HS6ST3: variants seen among roughly 807,000 people sequenced by gnomAD.
HS6ST3 encodes the protein heparan-sulfate 6-O-sulfotransferase 3.
HS6ST3 carries 12 observed loss-of-function variants against 36.7 expected under a neutral mutation model. That is an observed-to-expected ratio of 0.33 (90% CI 0.21 to 0.53). The LOEUF (loss-of-function observed/expected upper bound fraction) is 0.53, where lower values mean the gene tolerates loss of function less well. Among genes scored for constraint, HS6ST3 ranks in the 20% least tolerant of loss-of-function variants. HS6ST3 has a pLI of 0.95. For synonymous variants in HS6ST3, 240 were observed against 257.5 expected (o/e 0.93, Z 0.65); for missense variants, 584 against 640.9 (o/e 0.91, Z 0.96).
intron 1 of HS6ST3, among the ~76,000 whole-genome samples, chr13:96,780,307 G>A (rs933602743): frequency 3.3e-5 from 5 of 152,148 alleles, no homozygotes; most frequent in Admixed American, 1.3e-4. Flanking sequence ...CGTAGTTTTC[G>A]TGTATTAATA....
intron 1 of HS6ST3, among the ~76,000 whole-genome samples, chr13:96,797,112 T>C (rs1485435099): frequency 6.6e-6 from 1 of 152,108 alleles, no homozygotes; most frequent in African/African-American, 2.4e-5. Context: ...AGTTGGATGA[T>C]CCTTTTAATT....
intron 1 of HS6ST3, among the ~76,000 whole-genome samples, chr13:96,385,363 G>A (rs995534595): frequency 3.3e-5 from 5 of 152,044 alleles, no homozygotes; most frequent in East Asian, 1.9e-4. Context: ...ACATTCCTGT[G>A]TGCTAACTCA....
At position 96,833,140 on chromosome 13, in the gene HS6ST3, A is replaced by C; in HGVS notation, c.1358A>C (p.Asp453Ala). 6.3e-7 allele frequency: 1 copy of C among 1,599,208 alleles called. No individual in the cohort carries two copies. The highest frequency in any genetic ancestry group is 2.2e-5 in the East Asian group (1 of 44,836). Residue 453 changes from aspartate (D) to alanine (A), a missense_variant, in exon 2 of 2, where the codon GAT becomes GCT. Around this residue, in one of 3 missense-constraint regions of HS6ST3, gnomAD observed 360 missense variants for 411.3 expected, o/e 0.88. Coordinates refer to ENST00000376705, the MANE Select transcript of HS6ST3 (RefSeq NM_153456.4). ...EHRDHQWPKE[D>A]GAAEGTVTED... ...AGGGACCACCAGTGGCCCAAAGAAG[A>C]TGGGGCTGCAGAAGGGACTGTCACC... is the stretch of plus-strand genomic sequence containing the variant.
intron 1 of HS6ST3, among the ~76,000 whole-genome samples, chr13:96,394,527 A>G (rs1379781968): frequency 1.3e-5 from 2 of 152,116 alleles, no homozygotes; most frequent in African/African-American, 2.4e-5. Context: ...GCTTGGTTTC[A>G]TTTTTTGTAA....
At chr13:96,744,983 C>T (rs998642611) in intron 1 of HS6ST3, among the ~76,000 whole-genome samples, 1 of 152,090 alleles carries the variant, frequency 6.6e-6, no homozygotes, top group Non-Finnish European at 1.5e-5. Context: ...TAGTTTCTTA[C>T]TGATCAAATA....
At chr13:96,802,498 C>T (rs777400499) in intron 1 of HS6ST3, among the ~76,000 whole-genome samples, 1 of 152,146 alleles carries the variant, frequency 6.6e-6, no homozygotes, top group Non-Finnish European at 1.5e-5. Flanking sequence ...TCATTAGCTA[C>T]TATGTTGGCA....
intron 1 of HS6ST3, among the ~76,000 whole-genome samples, chr13:96,273,174 A>G (rs1339803447): frequency 1.3e-5 from 2 of 151,950 alleles, no homozygotes; most frequent in South Asian, 4.1e-4. Context: ...CAAATAATGC[A>G]AGTTCTTGGC....
chr13:96,559,650 A>G (rs2056254653), intron 1 of HS6ST3, among the ~76,000 whole-genome samples: 1 of 152,152 alleles, frequency 6.6e-6, no homozygotes, highest in Non-Finnish European at 1.5e-5. Context: ...AATGAGAATA[A>G]CCCAGGTGCT....
At chr13:96,667,510 C>G (rs1457207490) in intron 1 of HS6ST3, among the ~76,000 whole-genome samples, 1 of 152,188 alleles carries the variant, frequency 6.6e-6, no homozygotes, top group Non-Finnish European at 1.5e-5. Context: ...ACTCCATCTC[C>G]ATCTGCCCCT....
At chr13:96,449,950 T>G (rs2139485039) in intron 1 of HS6ST3, among the ~76,000 whole-genome samples, 1 of 152,296 alleles carries the variant, frequency 6.6e-6, no homozygotes, top group South Asian at 2.1e-4. Context: ...AAAACTCTAA[T>G]TTGACTTATG....
chr13:96,516,074 T>C (rs2056071341), intron 1 of HS6ST3, among the ~76,000 whole-genome samples: 1 of 151,990 alleles, frequency 6.6e-6, no homozygotes, highest in African/African-American at 2.4e-5. Context: ...TTTTTTTTTT[T>C]TTTTTGAGAC....
chr13:96,400,755 T>C (rs1000008237), intron 1 of HS6ST3, among the ~76,000 whole-genome samples: 3 of 151,878 alleles, frequency 2.0e-5, no homozygotes, highest in African/African-American at 7.3e-5. Flanking sequence ...AACCTAAGAG[T>C]AGTAAAATAC....
intron 1 of HS6ST3, among the ~76,000 whole-genome samples, chr13:96,330,976 G>T (rs1242199443): frequency 6.6e-6 from 1 of 151,470 alleles, no homozygotes; most frequent in African/African-American, 2.4e-5. Flanking sequence ...TGATCGCATC[G>T]GCTCCTGAGG....
chr13:96,609,375 G>A (rs2138987592), intron 1 of HS6ST3, among the ~76,000 whole-genome samples: 1 of 152,214 alleles, frequency 6.6e-6, no homozygotes, highest in Admixed American at 6.5e-5. Flanking sequence ...TTCTCTGCTG[G>A]TTATACCTTG....
intron 1 of HS6ST3, among the ~76,000 whole-genome samples, chr13:96,611,120 AT>A (rs2056455949): frequency 1.4e-5 from 2 of 143,594 alleles, no homozygotes; most frequent in African/African-American, 5.1e-5. Flanking sequence ...TTTATTTTTT[AT>A]TTTTTTAAAT....
At chr13:96,133,362 G>A (rs1023657053) in intron 1 of HS6ST3, among the ~76,000 whole-genome samples, 1 of 151,072 alleles carries the variant, frequency 6.6e-6, no homozygotes, top group Non-Finnish European at 1.5e-5. Flanking sequence ...TCCTGACCTC[G>A]TGATCCGCCC....
intron 1 of HS6ST3, among the ~76,000 whole-genome samples, chr13:96,554,821 C>T (rs1287873924): frequency 6.6e-6 from 1 of 151,988 alleles, no homozygotes; most frequent in Non-Finnish European, 1.5e-5. Context: ...GTAGTCCCAG[C>T]ACTTTGGGAG....
intron 1 of HS6ST3, among the ~76,000 whole-genome samples, chr13:96,715,827 A>G (rs1192564835): frequency 1.3e-5 from 2 of 152,162 alleles, no homozygotes; most frequent in African/African-American, 4.8e-5. Flanking sequence ...GAAACATGTT[A>G]TATCTAAATC....
rs774356448 is a variant in HS6ST3 at position 96,180,583 on chromosome 13, GATTA to G, written c.707+89018_707+89021del. Among the ~76,000 whole-genome samples, 35 of 152,282 alleles carry G rather than the reference GATTA, an allele frequency of 2.3e-4. 1 individual carries two copies. The highest frequency in any genetic ancestry group is 3.3e-4 in the Admixed American group (5 of 15,296). On this transcript the variant is annotated intron_variant, in intron 1 of 1. Coordinates refer to ENST00000376705, the MANE Select transcript of HS6ST3 (RefSeq NM_153456.4). ...ATCAAAAGAATCTTGCAAACAGTGA[GATTA>G]ATTGTTTAATTAATTAATTTTGACA...
Sources: gnomAD v4.1 joint callset for allele counts (sites outside exome capture counted in the v4.1 genomes callset) on GRCh38, gnomAD v4.1.1 for gene constraint, gnomAD v4.1.1 regional missense constraint, MANE v1.5 for transcripts, NCBI Gene and HGNC (gene_info 2026-07-23, HGNC 2026-07-21) for gene names.